The following CYP46A1 variants were observed in gnomAD, a reference collection of about 807,000 sequenced individuals.
The protein encoded by CYP46A1 is cytochrome P450 family 46 subfamily A member 1, also known as cholesterol 24-hydroxylase.
CYP46A1 carries 20 observed loss-of-function variants against 63.3 expected under a neutral mutation model. The observed-to-expected ratio is 0.32, with a 90% CI of 0.22 to 0.46. The LOEUF (loss-of-function observed/expected upper bound fraction) is 0.46. Among genes scored for constraint, CYP46A1 ranks in the 20% least tolerant of loss-of-function variants. The probability of loss-of-function intolerance (pLI) is 1.00; values close to 1 mark genes in which losing one functional copy is unlikely to be tolerated. For missense variants in CYP46A1, 445 were observed against 670.8 expected (o/e 0.66, Z 3.72); for synonymous variants, 268 against 273.6 (o/e 0.98, Z 0.20).
intron 4 of CYP46A1, 106 bp downstream of exon 4, chr14:99,699,645 C>T (rs1353489846): frequency 2.2e-5 from 27 of 1,234,686 alleles, no homozygotes; most frequent in Non-Finnish European, 2.9e-5. Context: ...GGCCTGAGGC[C>T]CTGGCTGCCA....
chr14:99,719,136 A>C (rs1226877656), intron 10 of CYP46A1, among the ~76,000 whole-genome samples: 1 of 152,024 alleles, frequency 6.6e-6, no homozygotes, highest in Non-Finnish European at 1.5e-5. Flanking sequence ...CATAACATAA[A>C]ATTTTACATT....
chr14:99,725,416 T>C lies in CYP46A1; in HGVS notation c.1202T>C (p.Met401Thr), dbSNP rs2056886727. The C allele has an allele frequency of 1.2e-6, 2 of 1,614,130 alleles. No individual in the cohort carries two copies. Among genetic ancestry groups the C allele is most frequent in the Non-Finnish European group, 8.5e-7 (1 of 1,180,002 alleles). The change falls in exon 13 of 15, where the codon ATG (methionine) becomes ACG (threonine). Residue 401 changes from methionine (M) to threonine (T), a missense_variant. This residue lies in a region of CYP46A1 where 95 missense variants were observed against 156.9 expected (regional missense o/e 0.61). Transcript: ENST00000261835. The surrounding 1 kb of genome is among the most constrained non-coding windows in gnomAD (Gnocchi z 4.2). The stretch of plus-strand genomic sequence containing the variant: ...TTCAGCACCTATGTCATGGGGCGGA[T>C]GGACACATACTTTGAGGACCCGCTG... ...LLFSTYVMGR[M>T]DTYFEDPLTF... is the part of the protein sequence containing the mutation.
intron 10 of CYP46A1, among the ~76,000 whole-genome samples, chr14:99,719,860 C>A (rs1362137166): frequency 6.7e-6 from 1 of 150,050 alleles, no homozygotes; most frequent in African/African-American, 2.5e-5. Context: ...CTCCCGGGTT[C>A]ACGCCATTCT....
At chr14:99,699,563 T>C in intron 4 of CYP46A1, 24 bp downstream of exon 4, 1 of 1,613,560 alleles carries the variant, frequency 6.2e-7, no homozygotes, top group Non-Finnish European at 8.5e-7. Context: ...GTGGAAGGCC[T>C]GGGTGGGAGG....
In CYP46A1 at chr14:99,705,846, A is replaced by G. The variant is rs150494497; in HGVS notation, c.444-801A>G. ...AGCCTGAGACAGAAAAATTGCTTGA[A>G]CCCAGGAGGCAGAGGTTGCAGTGAG... On this transcript the variant is annotated intron_variant, in intron 5 of 14. Coordinates refer to ENST00000261835, the MANE Select transcript of CYP46A1 (RefSeq NM_006668.2). Among the ~76,000 whole-genome samples the G allele has an allele frequency of 8.0e-3, 1,222 of 152,264 alleles. 13 individuals carry two copies. Among genetic ancestry groups the G allele is most frequent in the African/African-American group, 0.028 (1,153 of 41,538 alleles).
At chr14:99,707,305 C>G (rs2056686379) in intron 6 of CYP46A1, among the ~76,000 whole-genome samples, 1 of 152,196 alleles carries the variant, frequency 6.6e-6, no homozygotes, top group African/African-American at 2.4e-5. Context: ...AGAATGAACA[C>G]TTAAGGAAGG....
intron 1 of CYP46A1, among the ~76,000 whole-genome samples, chr14:99,690,737 G>A (rs2056536145): frequency 6.6e-6 from 1 of 152,176 alleles, no homozygotes; most frequent in Admixed American, 6.5e-5. Context: ...TTGGAGGGGT[G>A]AAGCCTAGCG....
intron 13 of CYP46A1, 82 bp from the exon 14 acceptor site, chr14:99,726,108 G>A: frequency 7.8e-7 from 1 of 1,279,736 alleles, no homozygotes; most frequent in African/African-American, 1.5e-5. Context: ...ATCCAGACCT[G>A]GGTTAACTAC....
chr14:99,718,473 T>G lies in CYP46A1; in HGVS notation c.980+347T>G, dbSNP rs1340133255. Among the ~76,000 whole-genome samples, 3 of 152,076 alleles carry G rather than the reference T, an allele frequency of 2.0e-5. No individual in the cohort carries two copies. The East Asian group carries it at 5.8e-4, about 29-fold the overall frequency. On this transcript the variant is annotated intron_variant, in intron 10 of 14. Transcript: ENST00000261835. ...GCTCCAGGAGGGCAGGGACCGTGGT[T>G]TTTTCCCTCCCCACAGCGTACCCAG...
intron 7 of CYP46A1, 70 bp from the exon 8 acceptor site, chr14:99,715,740 G>GGT: frequency 6.3e-7 from 1 of 1,599,852 alleles, no homozygotes; most frequent in Non-Finnish European, 8.5e-7. Context: ...GTCATTTCGG[G>GGT]GTGGTGGGGG....
intron 7 of CYP46A1, chr14:99,709,674 G>C (rs1484617930): frequency 6.6e-6 from 1 of 152,118 alleles, no homozygotes; most frequent in African/African-American, 2.4e-5. Flanking sequence ...AGACATCCAG[G>C]TACAGGAAAT....
At chr14:99,715,712 C>T in intron 7 of CYP46A1, 98 bp from the exon 8 acceptor site, 1 of 1,519,604 alleles carries the variant, frequency 6.6e-7, no homozygotes, top group Middle Eastern at 1.7e-4. Context: ...GACCTCCCAG[C>T]TTGCCAGTGC....
At chr14:99,724,248 C>T (rs936978290) in intron 12 of CYP46A1, among the ~76,000 whole-genome samples, 29 of 152,238 alleles carry the variant, frequency 1.9e-4, no homozygotes, top group African/African-American at 7.0e-4. Context: ...TTGTGGGGGG[C>T]AAAATTCAGC....
At chr14:99,726,319 G>A (rs2056897025) in intron 14 of CYP46A1, 63 bp downstream of exon 14, 1 of 1,558,270 alleles carries the variant, frequency 6.4e-7, no homozygotes, top group South Asian at 1.1e-5. Flanking sequence ...CTCATCCTGA[G>A]CCGGGAAGCA....
chr14:99,689,900 G>A (rs562034997), intron 1 of CYP46A1, among the ~76,000 whole-genome samples: 39 of 152,218 alleles, frequency 2.6e-4, no homozygotes, highest in African/African-American at 7.2e-4. Context: ...ACCCTCTAGT[G>A]GACCCCAGCT....
rs371134444 is a variant in CYP46A1 at position 99,723,160 on chromosome 14, A to C, written c.1176+1094A>C. ...CTTGATTTATGCTTTCCTGATTACT[A>C]ACTAGTAAGCGTGAGCATCTGACCC... On this transcript the variant is annotated intron_variant, in intron 12 of 14. Transcript: ENST00000261835. The C allele has an allele frequency of 4.8e-5, 11 of 230,154 alleles. No homozygotes were observed. The East Asian group carries it at 8.7e-4, about 18-fold the overall frequency. 14.3% of individuals were successfully genotyped at this position (230,154 alleles called of 1,614,324 possible).
At chr14:99,721,910 G>T in intron 11 of CYP46A1, 46 bp from the exon 12 acceptor site, 1 of 1,511,000 alleles carries the variant, frequency 6.6e-7, no homozygotes, top group South Asian at 1.1e-5. Context: ...CATGATCTGT[G>T]GCCTCTCCCG....
At chr14:99,702,377 C>T in intron 5 of CYP46A1, among the ~76,000 whole-genome samples, 1 of 152,064 alleles carries the variant, frequency 6.6e-6, no homozygotes, top group East Asian at 1.9e-4. Flanking sequence ...TGGGCTGTTT[C>T]CACTTTTGGG....
chr14:99,724,204 G>A (rs1230975895), intron 12 of CYP46A1, among the ~76,000 whole-genome samples: 1 of 150,914 alleles, frequency 6.6e-6, no homozygotes, highest in African/African-American at 2.4e-5. Context: ...CGCATTCTGA[G>A]GTACTGGGGA....
Sources: allele counts gnomAD v4.1 joint callset (sites outside exome capture counted in the v4.1 genomes callset), GRCh38; gene constraint gnomAD v4.1.1; regional missense constraint gnomAD v4.1.1; non-coding constraint Gnocchi (gnomAD v3.1); transcripts MANE v1.5; gene names NCBI Gene and HGNC (gene_info 2026-07-23, HGNC 2026-07-21).